Variants in TTC6 observed in about 807,000 individuals in gnomAD.
TTC6 encodes the protein tetratricopeptide repeat protein 6.
A neutral mutation model predicts 210.4 loss-of-function variants in TTC6; 172 were observed. The observed-to-expected ratio is 0.82, with a 90% CI of 0.72 to 0.93. The LOEUF (loss-of-function observed/expected upper bound fraction) is 0.93, where lower values mean the gene tolerates loss of function less well. Among genes scored for constraint, TTC6 ranks in the 40% least tolerant of loss-of-function variants. The probability of loss-of-function intolerance (pLI) is 0.00; values close to 1 mark genes in which losing one functional copy is unlikely to be tolerated. For missense variants in TTC6, 2,414 were observed against 2,318.1 expected, an observed-to-expected ratio of 1.04 and a Z score of -0.85; for synonymous variants, 804 against 819.6, an observed-to-expected ratio of 0.98 and a Z score of 0.32.
chr14:37,755,456 G>A (rs191833459), intron 14 of TTC6, among the ~76,000 whole-genome samples: 1 of 152,264 alleles, frequency 6.6e-6, no homozygotes, highest in East Asian at 1.9e-4. Flanking sequence ...CTTTGCCCAT[G>A]CCTATGTGCT....
chr14:37,696,980 G>T (rs555404215), intron 4 of TTC6, 145 bp downstream of exon 6: 3 of 400,650 alleles, frequency 7.5e-6, no homozygotes, highest in Non-Finnish European at 1.3e-5. Context: ...CACAGGAAAA[G>T]TTGGTGGCAG....
chr14:37,768,834 C>G (rs1321427634), intron 14 of TTC6, among the ~76,000 whole-genome samples: 1 of 151,876 alleles, frequency 6.6e-6, no homozygotes, highest in Admixed American at 6.6e-5. Flanking sequence ...ACTTCCAACA[C>G]TATGTTGAAT....
intron 14 of TTC6, among the ~76,000 whole-genome samples, chr14:37,781,790 A>G (rs1382812722): frequency 2.0e-5 from 3 of 152,144 alleles, no homozygotes; most frequent in African/African-American, 7.2e-5. Flanking sequence ...ATCCATCTTG[A>G]GTTAATTTTT....
intron 1 of TTC6, among the ~76,000 whole-genome samples, chr14:37,631,671 T>G (rs565199836): frequency 1.3e-5 from 2 of 152,340 alleles, no homozygotes; most frequent in East Asian, 3.9e-4. Flanking sequence ...CTTGCTAGGT[T>G]GGGGAATTTC....
intron 15 of TTC6, among the ~76,000 whole-genome samples, chr14:37,790,410 C>G (rs1178264649): frequency 6.6e-6 from 1 of 152,146 alleles, no homozygotes; most frequent in Non-Finnish European, 1.5e-5. Context: ...GGTCAATGTA[C>G]TTACCCCCTT....
chr14:37,720,149 C>T (rs2095859061), intron 6 of TTC6, among the ~76,000 whole-genome samples: 1 of 151,956 alleles, frequency 6.6e-6, no homozygotes, highest in South Asian at 2.1e-4. Context: ...GATATTAGTA[C>T]AGAATGGTTA....
rs115311307 is a variant in TTC6 at position 37,814,009 on chromosome 14, T to A, written c.4689+1576T>A. ...TCCAACTGGCTTAAGGTTCCACTCT[T>A]GCCCCTCTACATGCTATTCTCTAAA... is the stretch of plus-strand genomic sequence containing the variant. On this transcript the variant is annotated intron_variant, in intron 25 of 30. Coordinates refer to ENST00000553443, the Ensembl canonical transcript of TTC6. Among the ~76,000 whole-genome samples the A allele has an allele frequency of 5.0e-3, 757 of 152,324 alleles. 2 individuals carry two copies. The highest frequency in any genetic ancestry group is 0.017 in the African/African-American group (727 of 41,576).
chr14:37,670,474 C>CCT (rs532690678), intron 1 of TTC6, among the ~76,000 whole-genome samples: 12 of 121,322 alleles, frequency 9.9e-5, no homozygotes, highest in South Asian at 5.7e-4. Flanking sequence ...AACTACCTCA[C>CCT]TTTTTTTTTT....
At chr14:37,735,873 A>C (rs1056935797) in intron 7 of TTC6, 48 bp from the exon 10 acceptor site, 12 of 1,214,970 alleles carry the variant, frequency 9.9e-6, no homozygotes, top group Non-Finnish European at 1.4e-5. Context: ...ATAGGCTTTT[A>C]AAAAGTATTC....
chr14:37,810,196 A>G (rs1162941831), intron 24 of TTC6, among the ~76,000 whole-genome samples: 1 of 152,218 alleles, frequency 6.6e-6, no homozygotes, highest in African/African-American at 2.4e-5. Context: ...TTAAGATGCT[A>G]GGAGCTGATT....
Position 37,796,957 on chromosome 14 carries a change from C to G in TTC6, c.4029+10C>G. ...GGCCAAGAGAACCAAGGTGAAAAGT[C>G]CTCTGAGTAATGTTTACTAAACCTA... On this transcript the variant is annotated intron_variant, in intron 20 of 30. Transcript: ENST00000553443. 6.3e-7 allele frequency: 1 copy of G among 1,582,938 alleles called. No individual in the cohort carries two copies. Among genetic ancestry groups the G allele is most frequent in the Non-Finnish European group, 8.6e-7 (1 of 1,166,244 alleles).
At chr14:37,632,216 G>A (rs756874000) in intron 1 of TTC6, among the ~76,000 whole-genome samples, 2 of 152,300 alleles carry the variant, frequency 1.3e-5, no homozygotes. Flanking sequence ...TGGAATTGCA[G>A]CCTTTTTGCA....
chr14:37,629,157 C>T (rs1269605496), intron 1 of TTC6, among the ~76,000 whole-genome samples: 1 of 152,098 alleles, frequency 6.6e-6, no homozygotes, highest in Non-Finnish European at 1.5e-5. Flanking sequence ...TCAGTGGTAG[C>T]TTGATGGGGA....
Position 37,611,956 on chromosome 14 carries a change from A to G in TTC6, c.-155+5214A>G, listed in dbSNP as rs145264530. ...CCACGACCCACAATGGAACTGTTGC[A>G]AACTACTGCTGCAGAAATTTAAAGG... On this transcript the variant is annotated intron_variant, in intron 2 of 2. Transcript: ENST00000556845. Among the ~76,000 whole-genome samples the G allele has an allele frequency of 2.4e-3, 358 of 152,230 alleles. 2 individuals carry two copies. The highest frequency in any genetic ancestry group is 8.2e-3 in the African/African-American group (341 of 41,528).
At position 37,788,740 on chromosome 14, in the gene TTC6, T is replaced by C. The variant is rs1230291803; in HGVS notation, c.3436+1103T>C. ...CTGTCCTTCATTCCCCAGTGTAACA[T>C]CAACACAAACCTGTTATGTCTACTA... On this transcript the variant is annotated intron_variant, in intron 15 of 30. Transcript: ENST00000553443. Among the ~76,000 whole-genome samples, 15 of 152,328 alleles carry C rather than the reference T, an allele frequency of 9.8e-5. No individual in the cohort carries two copies. In the East Asian group the frequency reaches 2.7e-3, roughly 27 times the overall value.
intron 10 of TTC6, 55 bp downstream of exon 12, chr14:37,739,210 T>C (rs1475280226): frequency 7.2e-7 from 1 of 1,382,184 alleles, no homozygotes. Flanking sequence ...GTTTTGACCT[T>C]AATTTTATAA....
At chr14:37,661,981 T>G (rs1013619523) in intron 1 of TTC6, among the ~76,000 whole-genome samples, 1 of 152,168 alleles carries the variant, frequency 6.6e-6, no homozygotes, top group East Asian at 1.9e-4. Flanking sequence ...GTGTTGTTGG[T>G]GTACAGGAAT....
chr14:37,818,052 T>G (rs1356096935), intron 26 of TTC6, among the ~76,000 whole-genome samples: 2 of 152,174 alleles, frequency 1.3e-5, no homozygotes, highest in Non-Finnish European at 2.9e-5. Context: ...GTCTCTTTCC[T>G]GGAAGAAAGG....
At chr14:37,784,667 A>T (rs1175795667) in intron 14 of TTC6, among the ~76,000 whole-genome samples, 4 of 152,154 alleles carry the variant, frequency 2.6e-5, no homozygotes, top group Non-Finnish European at 4.4e-5. Context: ...TGTCATTATG[A>T]TGTTAGCTGG....
Sources: gnomAD v4.1 joint callset for allele counts (sites outside exome capture counted in the v4.1 genomes callset) on GRCh38, gnomAD v4.1.1 for gene constraint, MANE v1.5 for transcripts, NCBI Gene and HGNC (gene_info 2026-07-23, HGNC 2026-07-21) for gene names.